Variants in DCLK1 observed in about 807,000 individuals in gnomAD.
DCLK1 encodes the protein doublecortin like kinase 1.
A neutral mutation model predicts 86.2 loss-of-function variants in DCLK1; 16 were observed. That is an observed-to-expected ratio of 0.19 (90% CI 0.13 to 0.28). The LOEUF is 0.28. Among genes scored for constraint, DCLK1 ranks in the 10% least tolerant of loss-of-function variants. The probability of loss-of-function intolerance (pLI) is 1.00; values close to 1 mark genes in which losing one functional copy is unlikely to be tolerated. For synonymous variants in DCLK1, 369 were observed against 370.5 expected, an observed-to-expected ratio of 1.00 and a Z score of 0.05; for missense variants, 590 against 940.2, an observed-to-expected ratio of 0.63 and a Z score of 4.87.
intron 4 of DCLK1, among the ~76,000 whole-genome samples, chr13:35,887,268 T>C (rs1873329594): frequency 6.6e-6 from 1 of 152,142 alleles, no homozygotes; most frequent in East Asian, 1.9e-4. Flanking sequence ...CACCTGAAAA[T>C]GTCTGAATCA....
intron 1 of DCLK1, among the ~76,000 whole-genome samples, chr13:36,128,713 A>G (rs1368003590): frequency 2.0e-5 from 3 of 152,288 alleles, no homozygotes; most frequent in Admixed American, 6.5e-5. Flanking sequence ...TTGCCTCTTA[A>G]TAACTCATAG....
intron 3 of DCLK1, 108 bp downstream of exon 3, chr13:36,111,761 C>T (rs1392174441): frequency 3.2e-6 from 3 of 930,864 alleles, no homozygotes; most frequent in East Asian, 2.5e-5. Context: ...GATCAAGTGA[C>T]CCAGGCCCTT....
chr13:35,854,377 G>A (rs1870893692), intron 6 of DCLK1, 122 bp downstream of exon 6: 1 of 635,812 alleles, frequency 1.6e-6, no homozygotes, highest in Non-Finnish European at 2.4e-6. Flanking sequence ...ACCCCTCATT[G>A]GTCACCTCCT....
chr13:36,073,314 G>A (rs1029919130), intron 3 of DCLK1, among the ~76,000 whole-genome samples: 1 of 152,078 alleles, frequency 6.6e-6, no homozygotes, highest in African/African-American at 2.4e-5. Flanking sequence ...TTAGAAAACA[G>A]ATACTATTTT....
intron 3 of DCLK1, among the ~76,000 whole-genome samples, chr13:36,091,649 A>G (rs570739156): frequency 1.3e-5 from 2 of 152,246 alleles, no homozygotes; most frequent in Non-Finnish European, 2.9e-5. Flanking sequence ...CCCCAGAGGT[A>G]TAAATATATG....
intron 4 of DCLK1, among the ~76,000 whole-genome samples, chr13:35,922,490 T>C (rs1313916362): frequency 6.6e-6 from 1 of 152,140 alleles, no homozygotes. Flanking sequence ...CAGACCCAGG[T>C]TCTGAATCTA....
intron 5 of DCLK1, among the ~76,000 whole-genome samples, chr13:35,862,474 C>G (rs913701015): frequency 6.6e-6 from 1 of 152,202 alleles, no homozygotes; most frequent in African/African-American, 2.4e-5. Flanking sequence ...CCTTCCTGGC[C>G]CTTGGCCTTT....
At chr13:35,944,279 C>T (rs758906772) in intron 4 of DCLK1, among the ~76,000 whole-genome samples, 27 of 152,168 alleles carry the variant, frequency 1.8e-4, no homozygotes, top group Non-Finnish European at 3.1e-4. Flanking sequence ...AATAAAAGTG[C>T]CGCCTTGTGG....
rs190926509 is a variant in DCLK1 at position 35,916,577 on chromosome 13, C to G, written c.823+30781G>C. ...CCCTTCTCCTTTGTTCTTTTTATCT[C>G]TTTCTTTTCTTCACTTATATTTCCC... On this transcript the variant is annotated intron_variant, in intron 4 of 16. Coordinates refer to ENST00000360631, the MANE Select transcript of DCLK1 (RefSeq NM_001330071.2). Among the ~76,000 whole-genome samples the G allele has an allele frequency of 4.7e-3, 709 of 152,286 alleles. 2 individuals are homozygous for G. The highest frequency in any genetic ancestry group is 0.016 in the African/African-American group (661 of 41,552).
chr13:35,955,576 G>A (rs1036075512), intron 3 of DCLK1, among the ~76,000 whole-genome samples: 1 of 152,130 alleles, frequency 6.6e-6, no homozygotes, highest in African/African-American at 2.4e-5. Flanking sequence ...GGATACAAAC[G>A]TTCAGACTAG....
intron 16 of DCLK1, among the ~76,000 whole-genome samples, chr13:35,787,492 T>C (rs2086644749): frequency 6.6e-6 from 1 of 152,120 alleles, no homozygotes. Flanking sequence ...AACGATTGGA[T>C]AGAATTCTTA....
At chr13:35,972,781 C>T (rs1422291068) in intron 3 of DCLK1, among the ~76,000 whole-genome samples, 1 of 152,110 alleles carries the variant, frequency 6.6e-6, no homozygotes, top group Non-Finnish European at 1.5e-5. Flanking sequence ...AAGGGAGGCC[C>T]CATCCCATAG....
At chr13:35,877,534 C>T (rs1872657102) in intron 4 of DCLK1, among the ~76,000 whole-genome samples, 1 of 152,216 alleles carries the variant, frequency 6.6e-6, no homozygotes, top group Non-Finnish European at 1.5e-5. Context: ...TGACATGCTG[C>T]ATGTTGGCTA....
intron 3 of DCLK1, among the ~76,000 whole-genome samples, chr13:36,091,489 T>C (rs73182151): frequency 0.15 from 22,763 of 152,168 alleles, 2,070 homozygotes; most frequent in Non-Finnish European, 0.21. Flanking sequence ...CGTAAGGGCT[T>C]GTTATGTGAT....
At chr13:35,832,306 A>C (rs1869023044) in intron 8 of DCLK1, among the ~76,000 whole-genome samples, 1 of 152,168 alleles carries the variant, frequency 6.6e-6, no homozygotes, top group South Asian at 2.1e-4. Context: ...TGTCAAAAAA[A>C]GGTGGTGGTG....
At chr13:35,846,395 T>C in intron 6 of DCLK1, 1 of 985,304 alleles carries the variant, frequency 1.0e-6, no homozygotes. Flanking sequence ...AGATATCTAC[T>C]ACCCTGGCTT....
chr13:36,097,203 G>C (rs1460390255), intron 3 of DCLK1, among the ~76,000 whole-genome samples: 1 of 152,214 alleles, frequency 6.6e-6, no homozygotes, highest in Non-Finnish European at 1.5e-5. Context: ...AAGCAGATCA[G>C]TGGCTGCTGG....
chr13:35,821,316 A>G (rs1280131157), intron 11 of DCLK1, among the ~76,000 whole-genome samples: 2 of 152,158 alleles, frequency 1.3e-5, no homozygotes, highest in African/African-American at 2.4e-5. Flanking sequence ...TATTTGTGTC[A>G]TGGGAGTTGG....
intron 3 of DCLK1, among the ~76,000 whole-genome samples, chr13:36,064,086 G>A (rs756553619): frequency 6.6e-6 from 1 of 152,118 alleles, no homozygotes; most frequent in Non-Finnish European, 1.5e-5. Context: ...ACTGGGAAGC[G>A]CCTCACAGTA....
Sources: allele counts gnomAD v4.1 joint callset (sites outside exome capture counted in the v4.1 genomes callset), GRCh38; gene constraint gnomAD v4.1.1; transcripts MANE v1.5; gene names NCBI Gene and HGNC (gene_info 2026-07-23, HGNC 2026-07-21).